ADCY1: variants seen among roughly 807,000 people sequenced by gnomAD.
ADCY1 encodes adenylate cyclase 1.
A neutral mutation model predicts 105.4 loss-of-function variants in ADCY1; 28 were observed. That is an observed-to-expected ratio of 0.27 (90% confidence interval 0.20 to 0.36). The LOEUF (loss-of-function observed/expected upper bound fraction) is 0.36, where lower values mean the gene tolerates loss of function less well. Among genes scored for constraint, ADCY1 ranks in the 10% least tolerant of loss-of-function variants. The pLI, the probability that ADCY1 is intolerant of heterozygous loss-of-function variation, is 1.00. For missense variants in ADCY1, 977 were observed against 1,434.2 expected, an observed-to-expected ratio of 0.68 and a Z score of 5.15; for synonymous variants, 655 against 623.8, an observed-to-expected ratio of 1.05 and a Z score of -0.75.
chr7:45,663,016 G>A (rs1400139147), intron 8 of ADCY1, among the ~76,000 whole-genome samples: 6 of 152,224 alleles, frequency 3.9e-5, no homozygotes, highest in Non-Finnish European at 7.3e-5. Context: ...AGCCATCAAA[G>A]GGTGGTGACA....
At chr7:45,574,187 A>C (rs940952349), upstream of ADCY1, 7 of 965,148 alleles carry the variant, frequency 7.3e-6, no homozygotes, top group Non-Finnish European at 8.6e-6. This position sits in a 1 kb window ranked among gnomAD's most constrained non-coding sequence, Gnocchi z 7.0. Flanking sequence ...GGGACAAGGA[A>C]GGTACTCGAG....
rs147137874 is a variant in ADCY1 at position 45,652,679 on chromosome 7, G to A, written c.1148+3882G>A. The stretch of plus-strand genomic sequence containing the variant: ...GTCATTTGGGAAGAGTCTAGGACCC[G>A]TTTTGTCAAATGCCTGTGGGCCTAG... On this transcript the variant is annotated intron_variant, in intron 5 of 19. Transcript: ENST00000297323. Among the ~76,000 whole-genome samples, 369 of 152,312 alleles carry A rather than the reference G, an allele frequency of 2.4e-3. 3 individuals carry two copies. Among genetic ancestry groups the A allele is most frequent in the African/African-American group, 8.3e-3 (346 of 41,560 alleles).
intron 8 of ADCY1, among the ~76,000 whole-genome samples, chr7:45,677,143 T>A (rs779745149): frequency 2.6e-5 from 4 of 152,164 alleles, no homozygotes; most frequent in Admixed American, 1.3e-4. Flanking sequence ...TCTGTGTGCT[T>A]ATTTTACATG....
chr7:45,617,372 C>T (rs186301632), intron 3 of ADCY1, among the ~76,000 whole-genome samples: 10 of 152,174 alleles, frequency 6.6e-5, no homozygotes, highest in Admixed American at 2.0e-4. Context: ...GGCCTGGGGC[C>T]GAGTTGCAGG....
At chr7:45,694,286 C>A (rs1784839848) in intron 14 of ADCY1, among the ~76,000 whole-genome samples, 2 of 152,098 alleles carry the variant, frequency 1.3e-5, no homozygotes, top group Non-Finnish European at 2.9e-5. Flanking sequence ...AAAGTATGTT[C>A]CTTAACTACA....
intron 4 of ADCY1, among the ~76,000 whole-genome samples, chr7:45,641,534 C>T (rs1403679272): frequency 6.6e-6 from 1 of 152,182 alleles, no homozygotes; most frequent in African/African-American, 2.4e-5. Context: ...AACTTTTGAC[C>T]TGGCACCACC....
rs777067499 is a variant in ADCY1, at chr7:45,592,899, C to T, written c.780C>T (p.Asn260=). ...IEDRLRLEDE[N]EKQERLLMSL... is the part of the protein sequence containing the mutation. The stretch of plus-strand genomic sequence containing the variant: ...ACCGACTGAGGCTGGAGGATGAGAA[C>T]GAGAAGCAGGTCAGTGGCTTGGGCC... The change falls in exon 2 of 20, where the codon AAC becomes AAT. Residue 260 remains asparagine, a synonymous_variant. Coordinates refer to ENST00000297323, the MANE Select transcript of ADCY1 (RefSeq NM_021116.4). 12 of 1,614,024 alleles carry T rather than the reference C, an allele frequency of 7.4e-6. No individual in the cohort carries two copies. Among genetic ancestry groups the T allele is most frequent in the Admixed American group, 3.3e-5 (2 of 59,994 alleles).
intron 10 of ADCY1, among the ~76,000 whole-genome samples, chr7:45,679,060 CTTTTA>C (rs1205095881): frequency 1.3e-5 from 2 of 152,054 alleles, no homozygotes; most frequent in Admixed American, 1.3e-4. Context: ...AGTTTGGCAG[CTTTTA>C]TTTTATTTTA....
At chr7:45,630,050 T>C (rs1794194306) in intron 4 of ADCY1, among the ~76,000 whole-genome samples, 1 of 152,264 alleles carries the variant, frequency 6.6e-6, no homozygotes, top group Non-Finnish European at 1.5e-5. Context: ...TCATTGCTTA[T>C]TGGCCACTCA....
chr7:45,659,118 C>A (rs548036387), intron 6 of ADCY1, among the ~76,000 whole-genome samples: 1 of 152,332 alleles, frequency 6.6e-6, no homozygotes, highest in African/African-American at 2.4e-5. Context: ...CTTCTCCCAC[C>A]CCCTGCTCCT....
At chr7:45,706,853 T>A (rs2116269167) in intron 17 of ADCY1, among the ~76,000 whole-genome samples, 1 of 152,026 alleles carries the variant, frequency 6.6e-6, no homozygotes, top group African/African-American at 2.4e-5. Flanking sequence ...CCATTACAAT[T>A]CAACAAGGGA....
Position 45,679,786 on chromosome 7 carries a change from G to A in ADCY1, c.1976G>A (p.Arg659Gln), listed in dbSNP as rs1270757268. The A allele has an allele frequency of 6.2e-6, 10 of 1,613,550 alleles. No homozygotes were observed. Among genetic ancestry groups the A allele is most frequent in the African/African-American group, 2.7e-5 (2 of 74,760 alleles). Residue 659 changes from arginine (R) to glutamine (Q), a missense_variant, in exon 11 of 20, where the codon CGG becomes CAG. By Grantham distance (43) the Arg-to-Gln change is conservative. Transcript: ENST00000297323. ...VACVLYLHITRVQCFPGCLTI... is the reference protein window; with the variant it reads ...VACVLYLHITQVQCFPGCLTI... ...TGTGTCCTGTACCTGCACATCACCCGGGTCCAGGTATGTGGGTGGCCTGTG... is the reference window on the plus strand; with the variant it reads ...TGTGTCCTGTACCTGCACATCACCCAGGTCCAGGTATGTGGGTGGCCTGTG...
In ADCY1 at chr7:45,697,386, CT is replaced by C. The variant is rs34522967; in HGVS notation, c.2455-5969del. 2.0e-3 allele frequency among the ~76,000 whole-genome samples: 218 copies of C among 108,272 alleles called. 2 individuals carry two copies. The highest frequency in any genetic ancestry group is 3.1e-3 in the Admixed American group (27 of 8,784). The allele number at this position is 108,272 out of a possible 152,430, so 71.0% of individuals were successfully genotyped here. Reference sequence around the variant, plus strand: ...CACTGTTAGCACGAGCTCTCTTTACCTTTTTTTTTTTTTTTTTTTTTGAGGT... The same window carrying C: ...CACTGTTAGCACGAGCTCTCTTTACCTTTTTTTTTTTTTTTTTTTTGAGGT... On this transcript the variant is annotated intron_variant, in intron 14 of 19. Coordinates refer to ENST00000297323, the MANE Select transcript of ADCY1 (RefSeq NM_021116.4).
intron 3 of ADCY1, among the ~76,000 whole-genome samples, chr7:45,616,043 A>G (rs1006907284): frequency 1.3e-5 from 2 of 152,224 alleles, no homozygotes; most frequent in Admixed American, 6.5e-5. Context: ...AAAAAGGATC[A>G]TAAGAGACTA....
chr7:45,710,642 G>A lies in ADCY1; in HGVS notation c.3047G>A (p.Gly1016Asp), dbSNP rs1221672816. Residue 1016 changes from glycine (G) to aspartate (D), a missense_variant, in exon 19 of 20, where the codon GGC becomes GAC. Coordinates refer to ENST00000297323, the MANE Select transcript of ADCY1 (RefSeq NM_021116.4). The surrounding 1 kb of genome is among the most constrained non-coding windows in gnomAD (Gnocchi z 4.7). Reference protein sequence around the residue: ...ASRMDSTGVQGRIQVTEEVHR... With the variant: ...ASRMDSTGVQDRIQVTEEVHR... The stretch of plus-strand genomic sequence containing the variant: ...CGGATGGATAGCACAGGGGTCCAGG[G>A]CAGAATCCAGGTCAGTTCACCAAGA... 5 of 1,613,234 alleles carry A rather than the reference G, an allele frequency of 3.1e-6. No individual in the cohort carries two copies. The highest frequency in any genetic ancestry group is 3.4e-6 in the Non-Finnish European group (4 of 1,179,724).
At chr7:45,630,113 T>G (rs1222912218) in intron 4 of ADCY1, among the ~76,000 whole-genome samples, 1 of 152,224 alleles carries the variant, frequency 6.6e-6, no homozygotes, top group Non-Finnish European at 1.5e-5. Context: ...TTCTTTTTAT[T>G]TGGGTTGACT....
intron 4 of ADCY1, among the ~76,000 whole-genome samples, chr7:45,645,253 G>T (rs1794628227): frequency 6.6e-6 from 1 of 152,074 alleles, no homozygotes; most frequent in Admixed American, 6.5e-5. Context: ...TGCAGTGACG[G>T]TCACACTTGA....
At chr7:45,586,736 G>T (rs1431982345) in intron 1 of ADCY1, among the ~76,000 whole-genome samples, 2 of 152,232 alleles carry the variant, frequency 1.3e-5, no homozygotes, top group African/African-American at 4.8e-5. Context: ...CAGTCAGGGA[G>T]GGGGACAGAG....
intron 14 of ADCY1, among the ~76,000 whole-genome samples, chr7:45,691,772 A>G (rs527373096): frequency 6.6e-6 from 1 of 152,350 alleles, no homozygotes; most frequent in African/African-American, 2.4e-5. Flanking sequence ...TAACATTTAG[A>G]GGGAAGGTTT....
Sources: allele counts gnomAD v4.1 joint callset (sites outside exome capture counted in the v4.1 genomes callset), GRCh38; gene constraint gnomAD v4.1.1; non-coding constraint Gnocchi (gnomAD v3.1); transcripts MANE v1.5; gene names NCBI Gene and HGNC (gene_info 2026-07-23, HGNC 2026-07-21).